NR3C2: variants seen among roughly 807,000 people sequenced by gnomAD.
NR3C2 encodes the protein nuclear receptor subfamily 3 group C member 2.
A neutral mutation model predicts 86.4 loss-of-function variants in NR3C2; 15 were observed. That is an observed-to-expected ratio of 0.17 (90% CI 0.12 to 0.27). The LOEUF (loss-of-function observed/expected upper bound fraction) is 0.27, where lower values mean the gene tolerates loss of function less well. Ranked by LOEUF, NR3C2 falls within the 10% of genes least tolerant of loss-of-function variation. The probability of loss-of-function intolerance (pLI) is 1.00; values close to 1 mark genes in which losing one functional copy is unlikely to be tolerated. For synonymous variants in NR3C2, 458 were observed against 450.5 expected, an observed-to-expected ratio of 1.02 and a Z score of -0.21; for missense variants, 960 against 1,195.6, an observed-to-expected ratio of 0.80 and a Z score of 2.91.
At position 148,151,264 on chromosome 4, in the gene NR3C2, C is replaced by G. The variant is rs201070837; in HGVS notation, c.2510+1205G>C. Among the ~76,000 whole-genome samples, 9 of 151,580 alleles carry G rather than the reference C, an allele frequency of 5.9e-5. 1 individual carries two copies. The South Asian group carries it at 1.7e-3, about 28-fold the overall frequency. On this transcript the variant is annotated intron_variant, in intron 6 of 8. Coordinates refer to ENST00000358102, the MANE Select transcript of NR3C2 (RefSeq NM_000901.5). ...ATTAATAGAGATTCTTATTTACTCA[C>G]GTCCTTTTAAAACAAGAACCCTCTT...
intron 3 of NR3C2, among the ~76,000 whole-genome samples, chr4:148,230,368 G>A (rs1254117725): frequency 6.6e-6 from 1 of 151,996 alleles, no homozygotes; most frequent in Admixed American, 6.6e-5. Flanking sequence ...TAATTTTTTT[G>A]TATTTTTTAG....
chr4:148,375,164 C>T (rs183403868), intron 2 of NR3C2, among the ~76,000 whole-genome samples: 86 of 152,176 alleles, frequency 5.7e-4, no homozygotes, highest in African/African-American at 1.9e-3. Flanking sequence ...ATCAATAAAA[C>T]TGCAAAATCG....
At chr4:148,229,187 G>A (rs1318976300) in intron 3 of NR3C2, among the ~76,000 whole-genome samples, 1 of 152,102 alleles carries the variant, frequency 6.6e-6, no homozygotes, top group Non-Finnish European at 1.5e-5. Context: ...AATGAACTGG[G>A]GGCCCACATG....
chr4:148,379,556 G>A (rs1746857126), intron 2 of NR3C2, among the ~76,000 whole-genome samples: 1 of 152,064 alleles, frequency 6.6e-6, no homozygotes, highest in African/African-American at 2.4e-5. Context: ...TTTCCAAAGG[G>A]GTCTAAGGAA....
rs184427935 is a variant in NR3C2, at chr4:148,293,697, A to G, written c.1758-33580T>C. Among the ~76,000 whole-genome samples the G allele has an allele frequency of 2.2e-3, 339 of 152,312 alleles. 1 individual carries two copies. Among genetic ancestry groups the G allele is most frequent in the African/African-American group, 7.6e-3 (315 of 41,566 alleles). On this transcript the variant is annotated intron_variant, in intron 2 of 8. Coordinates refer to ENST00000358102, the MANE Select transcript of NR3C2 (RefSeq NM_000901.5). ...GGCCTACTGACTTAATAAATTTCAG[A>G]GGCAGAAGAGAAGCTGCAGAGCTCA...
intron 8 of NR3C2, among the ~76,000 whole-genome samples, chr4:148,087,643 C>T (rs954687227): frequency 2.6e-5 from 4 of 151,986 alleles, no homozygotes; most frequent in African/African-American, 9.7e-5. Flanking sequence ...AACGGTACGG[C>T]GAAAACTGGC....
At chr4:148,096,913 G>C (rs1016486968) in intron 8 of NR3C2, among the ~76,000 whole-genome samples, 1 of 152,174 alleles carries the variant, frequency 6.6e-6, no homozygotes, top group Non-Finnish European at 1.5e-5. Flanking sequence ...GGATTGGAAG[G>C]CATCTCACAG....
intron 2 of NR3C2, among the ~76,000 whole-genome samples, chr4:148,372,546 T>C (rs1378865728): frequency 1.3e-5 from 2 of 152,250 alleles, no homozygotes; most frequent in East Asian, 3.9e-4. Flanking sequence ...CATTTCCTAT[T>C]GGCAGCCAGA....
chr4:148,168,053 A>G (rs1221199326), intron 4 of NR3C2, among the ~76,000 whole-genome samples: 2 of 152,244 alleles, frequency 1.3e-5, no homozygotes, highest in East Asian at 3.8e-4. Context: ...GAGAGAGGAA[A>G]CAGGGAGAAG....
intron 2 of NR3C2, among the ~76,000 whole-genome samples, chr4:148,417,186 G>C (rs1340415307): frequency 6.6e-6 from 1 of 152,074 alleles, no homozygotes; most frequent in Non-Finnish European, 1.5e-5. Flanking sequence ...TCTTATTATG[G>C]AGATATCAAC....
intron 3 of NR3C2, among the ~76,000 whole-genome samples, chr4:148,235,622 A>C (rs1018796886): frequency 2.6e-5 from 4 of 152,198 alleles, no homozygotes; most frequent in Non-Finnish European, 2.9e-5. Flanking sequence ...ACATCTACAC[A>C]GTTCACCTAC....
At position 148,080,984 on chromosome 4, in the gene NR3C2, C is replaced by CTAAA. The variant is rs1730526442; in HGVS notation, c.*359_*360insTTTA. ...TTAAAACGTTCGTTAGTCCTTGAACCCTTTTAAAACAAGCGAACGATACCA... is the reference window on the plus strand; with the variant it reads ...TTAAAACGTTCGTTAGTCCTTGAACCTAAACTTTTAAAACAAGCGAACGATACCA... On this transcript the variant is annotated 3_prime_UTR_variant, in exon 9 of 9. Coordinates refer to ENST00000358102, the MANE Select transcript of NR3C2 (RefSeq NM_000901.5). 1 of 347,336 alleles carries CTAAA rather than the reference C, an allele frequency of 2.9e-6. No homozygotes were observed. Among genetic ancestry groups the CTAAA allele is most frequent in the African/African-American group, 2.1e-5 (1 of 47,080 alleles). 21.5% of individuals were successfully genotyped at this position (347,336 alleles called of 1,614,324 possible).
intron 2 of NR3C2, among the ~76,000 whole-genome samples, chr4:148,307,074 T>A (rs908762371): frequency 6.7e-6 from 1 of 149,912 alleles, no homozygotes; most frequent in Non-Finnish European, 1.5e-5. Flanking sequence ...TTAAATTTAC[T>A]TTTTTTTTTC....
intron 2 of NR3C2, among the ~76,000 whole-genome samples, chr4:148,335,011 T>C (rs1013283270): frequency 1.3e-5 from 2 of 152,208 alleles, no homozygotes; most frequent in Non-Finnish European, 2.9e-5. Context: ...TTCCCCTTTG[T>C]ATAAAGATTC....
At chr4:148,130,819 GTTTTTTTTTTTTT>G (rs376180676) in intron 6 of NR3C2, among the ~76,000 whole-genome samples, 19 of 108,904 alleles carry the variant, frequency 1.7e-4, no homozygotes, top group African/African-American at 7.0e-4. Flanking sequence ...GTTTTGTTTT[GTTTTTTTTTTTTT>G]TTTTTTTTTG....
At chr4:148,430,176 T>A (rs2126637180) in intron 2 of NR3C2, among the ~76,000 whole-genome samples, 2 of 152,270 alleles carry the variant, frequency 1.3e-5, no homozygotes, top group South Asian at 4.1e-4. Flanking sequence ...CATTCAAAAG[T>A]CTAAGTCCGT....
chr4:148,193,306 G>A (rs940550656), intron 4 of NR3C2, among the ~76,000 whole-genome samples: 2 of 152,204 alleles, frequency 1.3e-5, no homozygotes, highest in Non-Finnish European at 1.5e-5. Flanking sequence ...CACTTCTGCA[G>A]TTGGGGCACT....
chr4:148,304,715 C>G (rs1456026251), intron 2 of NR3C2, among the ~76,000 whole-genome samples: 1 of 152,016 alleles, frequency 6.6e-6, no homozygotes, highest in Non-Finnish European at 1.5e-5. Flanking sequence ...ATAAGGGAAC[C>G]TGCTCAGGGC....
At chr4:148,223,452 C>G (rs1579034528) in intron 3 of NR3C2, among the ~76,000 whole-genome samples, 1 of 152,128 alleles carries the variant, frequency 6.6e-6, no homozygotes, top group East Asian at 1.9e-4. Flanking sequence ...TGTGTCTTTC[C>G]CACGGTGCCT....
Sources: gnomAD v4.1 joint callset for allele counts (sites outside exome capture counted in the v4.1 genomes callset) on GRCh38, gnomAD v4.1.1 for gene constraint, MANE v1.5 for transcripts, NCBI Gene and HGNC (gene_info 2026-07-23, HGNC 2026-07-21) for gene names.